CAMTA1: variants seen among roughly 807,000 people sequenced by gnomAD.
CAMTA1 encodes calmodulin-binding transcription activator 1.
A neutral mutation model predicts 170.9 loss-of-function variants in CAMTA1; 27 were observed. The observed-to-expected ratio is 0.16, with a 90% CI of 0.12 to 0.22. CAMTA1 has a LOEUF of 0.22. CAMTA1 is among the 10% of genes least tolerant of loss of function. CAMTA1 has a pLI of 1.00. For missense variants in CAMTA1, 1,619 were observed against 2,217.2 expected, an observed-to-expected ratio of 0.73 and a Z score of 5.42; for synonymous variants, 833 against 891.5, an observed-to-expected ratio of 0.93 and a Z score of 1.17.
intron 3 of CAMTA1, among the ~76,000 whole-genome samples, chr1:6,995,776 T>C (rs1572305551): frequency 6.6e-6 from 1 of 152,102 alleles, no homozygotes; most frequent in African/African-American, 2.4e-5. Flanking sequence ...CCAGGAGTGG[T>C]CAGAGGTGGA....
At chr1:7,213,083 G>C (rs1363646751) in intron 4 of CAMTA1, among the ~76,000 whole-genome samples, 1 of 152,196 alleles carries the variant, frequency 6.6e-6, no homozygotes, top group Non-Finnish European at 1.5e-5. Context: ...TTGTGTACAG[G>C]TTTTTGTGTG....
chr1:7,100,406 C>T (rs77266629), intron 4 of CAMTA1, among the ~76,000 whole-genome samples: 6,792 of 152,264 alleles, frequency 0.045, 510 homozygotes, highest in African/African-American at 0.15. Flanking sequence ...TGCCCAGAGT[C>T]GTGCCGAGTG....
At chr1:7,739,245 A>G (rs556179783) in intron 16 of CAMTA1, among the ~76,000 whole-genome samples, 1 of 152,300 alleles carries the variant, frequency 6.6e-6, no homozygotes, top group East Asian at 1.9e-4. Context: ...TCAACAGGGC[A>G]CCCATGCCTG....
chr1:7,307,067 A>G (rs1309892842), intron 5 of CAMTA1, among the ~76,000 whole-genome samples: 5 of 152,004 alleles, frequency 3.3e-5, no homozygotes, highest in Admixed American at 3.3e-4. Context: ...AATCCTCTGC[A>G]GATGCCAAGG....
chr1:7,388,585 G>A (rs373118030), intron 5 of CAMTA1: 20 of 152,538 alleles, frequency 1.3e-4, no homozygotes, highest in Admixed American at 1.3e-3. Flanking sequence ...GAGGGGAGGC[G>A]GCCCGGCCTT....
At chr1:7,422,166 AG>A (rs1485224417) in intron 5 of CAMTA1, among the ~76,000 whole-genome samples, 2 of 152,252 alleles carry the variant, frequency 1.3e-5, no homozygotes, top group Non-Finnish European at 2.9e-5. Context: ...TCCCCTGTGC[AG>A]GGGCCTGTGC....
At chr1:6,961,597 T>C (rs1204252545) in intron 3 of CAMTA1, among the ~76,000 whole-genome samples, 1 of 141,144 alleles carries the variant, frequency 7.1e-6, no homozygotes, top group Non-Finnish European at 1.5e-5. Flanking sequence ...CCTTGACACA[T>C]AGTTCTGGAG....
chr1:6,807,346 C>G (rs1644638075), intron 1 of CAMTA1, among the ~76,000 whole-genome samples: 1 of 152,188 alleles, frequency 6.6e-6, no homozygotes, highest in Non-Finnish European at 1.5e-5. Context: ...AGCAGGTACT[C>G]TTTCTGAGCT....
chr1:7,368,609 CGTGGCTCTGGG>C (rs999061398), intron 5 of CAMTA1, among the ~76,000 whole-genome samples: 5 of 152,164 alleles, frequency 3.3e-5, no homozygotes, highest in Non-Finnish European at 7.4e-5. Context: ...GCACCCATGG[CGTGGCTCTGGG>C]GTGGCTCTGG....
intron 3 of CAMTA1, among the ~76,000 whole-genome samples, chr1:6,922,520 C>G (rs913024665): frequency 6.6e-6 from 1 of 152,162 alleles, no homozygotes; most frequent in Admixed American, 6.5e-5. Flanking sequence ...AGCCAGGGCT[C>G]CTCTGGCATC....
intron 5 of CAMTA1, among the ~76,000 whole-genome samples, chr1:7,396,122 C>T (rs1037813384): frequency 6.6e-6 from 1 of 152,120 alleles, no homozygotes; most frequent in African/African-American, 2.4e-5. Context: ...CAGGCAGATC[C>T]CTCATGAATG....
intron 6 of CAMTA1, among the ~76,000 whole-genome samples, chr1:7,512,205 G>A (rs893969525): frequency 6.6e-6 from 1 of 152,222 alleles, no homozygotes; most frequent in Non-Finnish European, 1.5e-5. Context: ...TCTGGAATAT[G>A]CCAAAGATAA....
chr1:7,413,931 A>C (rs2090975431), intron 5 of CAMTA1, among the ~76,000 whole-genome samples: 1 of 152,202 alleles, frequency 6.6e-6, no homozygotes, highest in Admixed American at 6.5e-5. Flanking sequence ...CGTACATCCC[A>C]TCAATACCTA....
intron 3 of CAMTA1, among the ~76,000 whole-genome samples, chr1:7,084,552 G>T (rs1640461868): frequency 6.6e-6 from 1 of 152,248 alleles, no homozygotes; most frequent in African/African-American, 2.4e-5. Flanking sequence ...CCACACACTG[G>T]AGGGGACACG....
At chr1:7,393,778 G>C (rs921507937) in intron 5 of CAMTA1, among the ~76,000 whole-genome samples, 8 of 152,076 alleles carry the variant, frequency 5.3e-5, no homozygotes, top group Admixed American at 5.2e-4. Context: ...AGTCTCCCTA[G>C]TATGCTATCA....
chr1:7,036,800 A>G (rs1268053556), intron 3 of CAMTA1, among the ~76,000 whole-genome samples: 3 of 152,238 alleles, frequency 2.0e-5, no homozygotes, highest in African/African-American at 7.2e-5. Flanking sequence ...AGCAACAATA[A>G]TGCAGCCATA....
chr1:7,220,191 G>A (rs1324026880), intron 4 of CAMTA1, among the ~76,000 whole-genome samples: 7 of 152,210 alleles, frequency 4.6e-5, no homozygotes. Context: ...AATGCGCCAC[G>A]CCTGACTCAT....
chr1:7,319,852 A>G (rs1475170467), intron 5 of CAMTA1, among the ~76,000 whole-genome samples: 1 of 147,298 alleles, frequency 6.8e-6, no homozygotes. Context: ...TTGATGCTAT[A>G]CTAAATCATT....
chr1:7,702,765 C>G (rs1408485904), intron 11 of CAMTA1, among the ~76,000 whole-genome samples: 1 of 152,140 alleles, frequency 6.6e-6, no homozygotes, highest in Non-Finnish European at 1.5e-5. Flanking sequence ...TTTTCACAAA[C>G]TAAAACCAGT....
Sources: gnomAD v4.1 joint callset for allele counts (sites outside exome capture counted in the v4.1 genomes callset) on GRCh38, gnomAD v4.1.1 for gene constraint, MANE v1.5 for transcripts, NCBI Gene and HGNC (gene_info 2026-07-23, HGNC 2026-07-21) for gene names.